The following LCP2 variants were observed in gnomAD, a reference collection of about 807,000 sequenced individuals.
LCP2 encodes the protein 76 kDa tyrosine phosphoprotein.
Under a neutral mutation model 74.5 loss-of-function variants are expected in LCP2, and 29 were observed. The ratio of observed to expected loss-of-function variants is 0.39; its 90% CI spans 0.29 to 0.53. The LOEUF (loss-of-function observed/expected upper bound fraction) is 0.53. Among genes scored for constraint, LCP2 ranks in the 20% least tolerant of loss-of-function variants. The probability of loss-of-function intolerance (pLI) is 0.72; values close to 1 mark genes in which losing one functional copy is unlikely to be tolerated. For synonymous variants in LCP2, 228 were observed against 229.5 expected, an observed-to-expected ratio of 0.99 and a Z score of 0.06; for missense variants, 604 against 634.6, an observed-to-expected ratio of 0.95 and a Z score of 0.52.
At position 170,255,622 on chromosome 5, in the gene LCP2, C is replaced by T. The variant is rs80187267; in HGVS notation, c.1150+904G>A. 4.3e-4 allele frequency among the ~76,000 whole-genome samples: 66 copies of T among 152,298 alleles called. 1 individual carries two copies. The East Asian group carries it at 0.01, about 24-fold the overall frequency. Reference sequence around the variant, plus strand: ...TTTCCCTAGTCATTTGATGCTCATTCGACAAGCATTTTTAAAGTGCCTACC... The same window carrying T: ...TTTCCCTAGTCATTTGATGCTCATTTGACAAGCATTTTTAAAGTGCCTACC... On this transcript the variant is annotated intron_variant, in intron 17 of 20. Coordinates refer to ENST00000046794, the MANE Select transcript of LCP2 (RefSeq NM_005565.5).
chr5:170,258,320 C>T (rs1761596560), intron 15 of LCP2, 154 bp from the exon 16 acceptor site: 1 of 721,886 alleles, frequency 1.4e-6, no homozygotes, highest in African/African-American at 1.8e-5. Flanking sequence ...AGGATGGAAC[C>T]TTGCTCCCAG....
intron 3 of LCP2, among the ~76,000 whole-genome samples, chr5:170,281,429 G>C (rs190414794): frequency 5.9e-5 from 9 of 152,212 alleles, no homozygotes; most frequent in African/African-American, 2.2e-4. Context: ...ACAGGTGCCT[G>C]CCACCACACT....
chr5:170,269,036 C>T (rs114533730), intron 7 of LCP2, among the ~76,000 whole-genome samples: 2,037 of 152,278 alleles, frequency 0.013, 31 homozygotes, highest in South Asian at 0.066. Flanking sequence ...TCTGTCTGCC[C>T]TTCCTTCCCC....
chr5:170,275,976 C>A, intron 3 of LCP2, 116 bp from the exon 4 acceptor site: 1 of 805,440 alleles, frequency 1.2e-6, no homozygotes, highest in South Asian at 1.5e-5. Context: ...CAACTTTGGC[C>A]AGGCTCCTCT....
At chr5:170,290,936 GAAGA>G (rs1230195624) in intron 2 of LCP2, among the ~76,000 whole-genome samples, 16 of 125,486 alleles carry the variant, frequency 1.3e-4, no homozygotes, top group Middle Eastern at 3.9e-3. Flanking sequence ...GAGAGAGAAA[GAAGA>G]AAGAAAGAAA....
At position 170,249,364 on chromosome 5, in the gene LCP2, A is replaced by G. The variant is rs187650318; in HGVS notation, c.1480-545T>C. 4.9e-3 allele frequency among the ~76,000 whole-genome samples: 563 copies of G among 114,220 alleles called. 6 individuals are homozygous for G. Among genetic ancestry groups the G allele is most frequent in the African/African-American group, 0.015 (499 of 33,980 alleles). The allele number at this position is 114,220 out of a possible 152,430, so 74.9% of individuals were successfully genotyped here. A position where few individuals can be genotyped will look rare whatever the true frequency, so the allele number is the denominator to read the frequency against. On this transcript the variant is annotated intron_variant, in intron 20 of 20. Coordinates refer to ENST00000046794, the MANE Select transcript of LCP2 (RefSeq NM_005565.5). ...AGATAAAATATGTGCATGCGTGTGT[A>G]TATATATATATATATATCTACATAT... is the stretch of plus-strand genomic sequence containing the variant.
At chr5:170,282,339 T>C (rs1045123094) in intron 3 of LCP2, among the ~76,000 whole-genome samples, 3 of 152,182 alleles carry the variant, frequency 2.0e-5, no homozygotes, top group Non-Finnish European at 2.9e-5. Context: ...ATGGAATGAA[T>C]AAAGTATTGA....
In LCP2 at chr5:170,280,663, C is replaced by A. The variant is rs538984926; in HGVS notation, c.189-4803G>T. ...CATGGAGTGTTTTCCTGGTGCCTCA[C>A]GATCATTTTCCTGGTAGACAAGTAT... On this transcript the variant is annotated intron_variant, in intron 3 of 20. Transcript: ENST00000046794. Among the ~76,000 whole-genome samples the A allele has an allele frequency of 6.3e-4, 96 of 152,260 alleles. 1 individual carries two copies. Among genetic ancestry groups the A allele is most frequent in the African/African-American group, 2.3e-3 (96 of 41,540 alleles).
intron 7 of LCP2, among the ~76,000 whole-genome samples, chr5:170,270,291 C>T (rs1304796801): frequency 6.6e-6 from 1 of 152,222 alleles, no homozygotes; most frequent in Non-Finnish European, 1.5e-5. Context: ...TACTCAATAT[C>T]TTCATGTTTA....
chr5:170,291,786 A>T (rs1317964299), intron 2 of LCP2, among the ~76,000 whole-genome samples: 1 of 152,194 alleles, frequency 6.6e-6, no homozygotes, highest in African/African-American at 2.4e-5. Context: ...ATCCTCAAAG[A>T]TGTCTTCCTC....
At position 170,248,702 on chromosome 5, in the gene LCP2, G is replaced by A; in HGVS notation, c.1597C>T (p.Pro533Ser). 1 of 1,611,944 alleles carries A rather than the reference G, an allele frequency of 6.2e-7. No homozygotes were observed. The highest frequency in any genetic ancestry group is 8.5e-7 in the Non-Finnish European group (1 of 1,179,010). Residue 533 changes from proline (P) to serine (S), a missense_variant, in exon 21 of 21, where the codon CCA (proline) becomes TCA (serine). Coordinates refer to ENST00000046794, the MANE Select transcript of LCP2 (RefSeq NM_005565.5). ...ATTTGCTCGGCTATAACTTGCTATG[G>A]GTACCCTGCAGCATGCGTTAATGTG... ...QCTLTHAAGYP is the reference protein window; with the variant it reads ...QCTLTHAAGYS
intron 3 of LCP2, among the ~76,000 whole-genome samples, chr5:170,284,057 C>T (rs564984921): frequency 2.0e-4 from 30 of 152,294 alleles, no homozygotes; most frequent in Non-Finnish European, 2.5e-4. Context: ...TCTTTGCAGC[C>T]TGAATAATTT....
At chr5:170,276,081 T>A (rs909422960) in intron 3 of LCP2, among the ~76,000 whole-genome samples, 1 of 152,154 alleles carries the variant, frequency 6.6e-6, no homozygotes, top group Non-Finnish European at 1.5e-5. Flanking sequence ...CAGGAAGCCC[T>A]CTCTCCTCCT....
intron 13 of LCP2, among the ~76,000 whole-genome samples, chr5:170,261,840 C>T (rs544007725): frequency 7.5e-4 from 114 of 152,248 alleles, no homozygotes; most frequent in African/African-American, 2.7e-3. Flanking sequence ...GTGTGTCAGA[C>T]GCTTCACACA....
At chr5:170,281,554 A>G (rs535449465) in intron 3 of LCP2, among the ~76,000 whole-genome samples, 4 of 152,338 alleles carry the variant, frequency 2.6e-5, no homozygotes, top group Non-Finnish European at 4.4e-5. Flanking sequence ...TGCTGGGATT[A>G]CAGGCATTTG....
intron 1 of LCP2, among the ~76,000 whole-genome samples, chr5:170,295,399 C>T (rs1350023936): frequency 6.6e-6 from 1 of 152,206 alleles, no homozygotes; most frequent in Non-Finnish European, 1.5e-5. Context: ...GTGCCTTGCA[C>T]ACATCATTTG....
intron 7 of LCP2, among the ~76,000 whole-genome samples, chr5:170,269,431 C>A (rs1761851540): frequency 6.6e-6 from 1 of 152,196 alleles, no homozygotes; most frequent in Non-Finnish European, 1.5e-5. Flanking sequence ...AGGAGCAAGG[C>A]CCAGCCTGAT....
intron 16 of LCP2, 111 bp downstream of exon 16, chr5:170,257,926 C>A (rs953133677): frequency 1.6e-6 from 2 of 1,216,842 alleles, no homozygotes; most frequent in Non-Finnish European, 1.2e-6. Context: ...AATGTTCAGA[C>A]CCTACTATCT....
intron 1 of LCP2, among the ~76,000 whole-genome samples, chr5:170,296,292 C>T (rs1762382233): frequency 6.6e-6 from 1 of 152,128 alleles, no homozygotes; most frequent in Non-Finnish European, 1.5e-5. Context: ...GAAATGAAAG[C>T]ACAAAATATG....
Sources: allele counts gnomAD v4.1 joint callset (sites outside exome capture counted in the v4.1 genomes callset), GRCh38; gene constraint gnomAD v4.1.1; transcripts MANE v1.5; gene names NCBI Gene and HGNC (gene_info 2026-07-23, HGNC 2026-07-21).